RBFOX3: variants seen among roughly 807,000 people sequenced by gnomAD.
RBFOX3 encodes the protein RNA binding fox-1 homolog 3, also known as RNA binding protein fox-1 homolog 3.
RBFOX3 carries 17 observed loss-of-function variants against 48.7 expected under a neutral mutation model. The ratio of observed to expected loss-of-function variants is 0.35; its 90% CI spans 0.24 to 0.52. RBFOX3 has a LOEUF of 0.52. RBFOX3 is among the 20% of genes least tolerant of loss of function. RBFOX3 has a pLI of 0.94. For missense variants in RBFOX3, 382 were observed against 497.5 expected, an observed-to-expected ratio of 0.77 and a Z score of 2.21; for synonymous variants, 212 against 209.5, an observed-to-expected ratio of 1.01 and a Z score of -0.10.
In RBFOX3 at chr17:79,413,571, G is replaced by T. The variant is rs1010152924; in HGVS notation, c.-175+68883C>A. ...GTGGCCACACTTCATCAGGGAGCAGGTTTCCACCTGGAGCGTGGAGACTCT... is the reference window on the plus strand; with the variant it reads ...GTGGCCACACTTCATCAGGGAGCAGTTTTCCACCTGGAGCGTGGAGACTCT... On this transcript the variant is annotated intron_variant, in intron 2 of 14. Transcript: ENST00000693108. 5.2e-5 allele frequency among the ~76,000 whole-genome samples: 8 copies of T among 152,382 alleles called. No homozygotes were observed. In the South Asian group the frequency reaches 1.2e-3, roughly 24 times the overall value.
At chr17:79,539,646 A>G (rs1259580107) in intron 1 of RBFOX3, among the ~76,000 whole-genome samples, 1 of 152,206 alleles carries the variant, frequency 6.6e-6, no homozygotes, top group African/African-American at 2.4e-5. Context: ...AGGTCGCCCC[A>G]GGAGAGTTGG....
intron 1 of RBFOX3, among the ~76,000 whole-genome samples, chr17:79,542,166 T>C (rs1248413107): frequency 2.0e-5 from 3 of 152,082 alleles, no homozygotes; most frequent in African/African-American, 7.2e-5. Flanking sequence ...TTTCAATGGA[T>C]ATTTACAAAG....
chr17:79,096,669 T>G lies in RBFOX3; in HGVS notation c.920A>C (p.Tyr307Ser). The G allele has an allele frequency of 7.6e-7, 1 of 1,320,226 alleles. No individual in the cohort carries two copies. The highest frequency in any genetic ancestry group is 1.2e-5 in the South Asian group (1 of 81,206). The allele number at this position is 1,320,226 out of a possible 1,614,324, so 81.8% of individuals were successfully genotyped here. A position where few individuals can be genotyped will look rare whatever the true frequency, so the allele number is the denominator to read the frequency against. ...TACACTTACATAAATCTCAGCACCATAAAATCCATCCTGATACACGACCCT... is the reference window on the plus strand; with the variant it reads ...TACACTTACATAAATCTCAGCACCAGAAAATCCATCCTGATACACGACCCT... The part of the protein sequence containing the change: ...ASRVVYQDGF[Y>S]GAEIYGGYAA... The change falls in exon 12 of 15, where the codon TAT (tyrosine) becomes TCT (serine). Residue 307 changes from tyrosine (Y) to serine (S), a missense_variant. This residue lies in a region of RBFOX3 where 215 missense variants were observed against 254.8 expected (regional missense o/e 0.84). Transcript: ENST00000693108.
In RBFOX3 at chr17:79,299,009, C is replaced by T. The variant is rs1026563371; in HGVS notation, c.-74+8715G>A. On this transcript the variant is annotated intron_variant, in intron 3 of 14. Coordinates refer to ENST00000693108, the MANE Select transcript of RBFOX3 (RefSeq NM_001350451.2). The surrounding 1 kb of genome is among the most constrained non-coding windows in gnomAD (Gnocchi z 4.5). Reference sequence around the variant, plus strand: ...GATGCAAGGCTGGGAGGCGGGAGGGCGCGAGTCTGTAACTGGAGAGGTTTG... The same window carrying T: ...GATGCAAGGCTGGGAGGCGGGAGGGTGCGAGTCTGTAACTGGAGAGGTTTG... Among the ~76,000 whole-genome samples the T allele has an allele frequency of 6.6e-6, 1 of 152,104 alleles. No individual in the cohort carries two copies. The highest frequency in any genetic ancestry group is 3.2e-3 in the Middle Eastern group (1 of 316).
intron 2 of RBFOX3, among the ~76,000 whole-genome samples, chr17:79,420,499 C>A (rs1202395135): frequency 6.6e-6 from 1 of 152,146 alleles, no homozygotes; most frequent in Non-Finnish European, 1.5e-5. Flanking sequence ...GGGACCTTCT[C>A]CCTCCACAGC....
At chr17:79,620,980 G>A in the RBFOX3 span, among the ~76,000 whole-genome samples, 1 of 144,894 alleles carries the variant, frequency 6.9e-6, no homozygotes, top group East Asian at 2.1e-4. Flanking sequence ...TCTTACTCCT[G>A]TTAAAGTTAA....
At chr17:79,321,627 G>A (rs1231190644) in intron 2 of RBFOX3, among the ~76,000 whole-genome samples, 4 of 151,980 alleles carry the variant, frequency 2.6e-5, no homozygotes, top group African/African-American at 9.7e-5. Flanking sequence ...GTCTTCAGCA[G>A]GCACAGAGGA....
intron 4 of RBFOX3, among the ~76,000 whole-genome samples, chr17:79,174,143 C>A (rs1315855076): frequency 2.6e-5 from 4 of 152,122 alleles, no homozygotes; most frequent in East Asian, 1.9e-4. Context: ...ACCAGGGAAA[C>A]CTCCAGGGTG....
At chr17:79,606,267 G>A (rs1458616944) in intron 1 of RBFOX3, among the ~76,000 whole-genome samples, 3 of 152,182 alleles carry the variant, frequency 2.0e-5, no homozygotes, top group African/African-American at 7.2e-5. Context: ...GCACCCAAGA[G>A]GTGGCCTTTG....
chr17:79,122,108 T>C (rs1004029076), intron 4 of RBFOX3, among the ~76,000 whole-genome samples: 1 of 152,124 alleles, frequency 6.6e-6, no homozygotes, highest in African/African-American at 2.4e-5. Flanking sequence ...ACTTGGCTCT[T>C]TTGGCCCACA....
intron 4 of RBFOX3, among the ~76,000 whole-genome samples, chr17:79,178,343 A>G (rs1364943086): frequency 6.6e-6 from 1 of 152,236 alleles, no homozygotes; most frequent in Non-Finnish European, 1.5e-5. Flanking sequence ...AAGCCAAGAA[A>G]GAGCTTAAGC....
chr17:79,379,252 G>C (rs2059594790), intron 2 of RBFOX3, among the ~76,000 whole-genome samples: 1 of 152,164 alleles, frequency 6.6e-6, no homozygotes. Flanking sequence ...CCAGGGCTCA[G>C]GATGGGCCCG....
chr17:79,522,088 C>A (rs2086193676), intron 1 of RBFOX3, among the ~76,000 whole-genome samples: 1 of 152,154 alleles, frequency 6.6e-6, no homozygotes, highest in Non-Finnish European at 1.5e-5. Flanking sequence ...AAAACTCGGG[C>A]AACTGGAATT....
At chr17:79,404,549 G>A (rs1007016241) in intron 2 of RBFOX3, among the ~76,000 whole-genome samples, 1 of 152,166 alleles carries the variant, frequency 6.6e-6, no homozygotes, top group African/African-American at 2.4e-5. Context: ...AGCACTGGGG[G>A]TCCAGTCTCA....
chr17:79,511,757 C>G (rs1458300954), intron 1 of RBFOX3, among the ~76,000 whole-genome samples: 1 of 150,274 alleles, frequency 6.7e-6, no homozygotes, highest in East Asian at 2.0e-4. Context: ...GCCCCATGGC[C>G]AGGGGACACA....
rs139642965 is a variant in RBFOX3, at chr17:79,229,723, C to T, written c.-34+6043G>A. 3.9e-5 allele frequency among the ~76,000 whole-genome samples: 6 copies of T among 152,198 alleles called. No individual in the cohort carries two copies. The East Asian group carries it at 9.6e-4, about 24-fold the overall frequency. On this transcript the variant is annotated intron_variant, in intron 4 of 14. Coordinates refer to ENST00000693108, the MANE Select transcript of RBFOX3 (RefSeq NM_001350451.2). ...AACCCGTGAAATCCACAGTCTCCTA[C>T]AGGGAGGCTTGACTTCTCCAGGGAA...
chr17:79,209,213 T>C (rs118070201), intron 4 of RBFOX3, among the ~76,000 whole-genome samples: 3,783 of 152,342 alleles, frequency 0.025, 127 homozygotes, highest in East Asian at 0.14. Flanking sequence ...CCAGCCCTCC[T>C]GCACAAGGCC....
rs2057305788 is a variant in RBFOX3 at position 79,204,997 on chromosome 17, G to T, written c.-34+30769C>A. On this transcript the variant is annotated intron_variant, in intron 4 of 14. Coordinates refer to ENST00000693108, the MANE Select transcript of RBFOX3 (RefSeq NM_001350451.2). The surrounding 1 kb of genome is among the most constrained non-coding windows in gnomAD (Gnocchi z 4.5). ...CCAGGAAAAAATCAAGAGCTAGAGA[G>T]CAGAGAACTCCTCAGTCATCACAAC... Among the ~76,000 whole-genome samples the T allele has an allele frequency of 6.6e-6, 1 of 152,116 alleles. No homozygotes were observed. The highest frequency in any genetic ancestry group is 1.5e-5 in the Non-Finnish European group (1 of 68,022).
At position 79,118,994 on chromosome 17, in the gene RBFOX3, T is replaced by TA. The variant is rs1343202488; in HGVS notation, c.-33-3247dup. Among the ~76,000 whole-genome samples the TA allele has an allele frequency of 2.7e-3, 366 of 134,004 alleles. 5 individuals carry two copies. Among genetic ancestry groups the TA allele is most frequent in the African/African-American group, 9.2e-3 (339 of 36,712 alleles). The allele number at this position is 134,004 out of a possible 152,430, so 87.9% of individuals were successfully genotyped here. A position where few individuals can be genotyped will look rare whatever the true frequency, so the allele number is the denominator to read the frequency against. ...CTGTCTCAAAAAAAAAAAAAAAAAA[T>TA]AAAGAAAATAAAATAAAAAAGAAAG... On this transcript the variant is annotated intron_variant, in intron 4 of 14. Transcript: ENST00000693108.
Sources: allele counts gnomAD v4.1 joint callset (sites outside exome capture counted in the v4.1 genomes callset), GRCh38; gene constraint gnomAD v4.1.1; regional missense constraint gnomAD v4.1.1; non-coding constraint Gnocchi (gnomAD v3.1); transcripts MANE v1.5; gene names NCBI Gene and HGNC (gene_info 2026-07-23, HGNC 2026-07-21).